COL25A1: variants seen among roughly 807,000 people sequenced by gnomAD.
The protein encoded by COL25A1 is collagen type XXV alpha 1 chain.
COL25A1 carries 103 observed loss-of-function variants against 128.4 expected under a neutral mutation model. The observed-to-expected ratio is 0.80, with a 90% CI of 0.68 to 0.94. The LOEUF (loss-of-function observed/expected upper bound fraction) is 0.94. COL25A1 is among the 40% of genes least tolerant of loss of function. COL25A1 has a pLI of 0.00. For missense variants in COL25A1, 745 were observed against 840.0 expected (o/e 0.89, Z 1.40); for synonymous variants, 279 against 277.2 (o/e 1.01, Z -0.06).
At chr4:109,130,481 G>A (rs927382799) in intron 3 of COL25A1, among the ~76,000 whole-genome samples, 5 of 152,050 alleles carry the variant, frequency 3.3e-5, no homozygotes, top group African/African-American at 4.8e-5. Context: ...AGAATGGAGC[G>A]ATCAAGGATG....
chr4:108,834,209 G>A (rs772396090), intron 31 of COL25A1: 47 of 785,652 alleles, frequency 6.0e-5, no homozygotes, highest in Admixed American at 1.3e-4. Flanking sequence ...CCCTTTTGCC[G>A]CCATCTTTGT....
intron 19 of COL25A1, among the ~76,000 whole-genome samples, chr4:108,870,469 GTGAGTAACTAA>G (rs1428270328): frequency 6.7e-6 from 1 of 150,184 alleles, no homozygotes; most frequent in Non-Finnish European, 1.5e-5. Context: ...AAAGGCAGGA[GTGAGTAACTAA>G]TGCTTTAGGT....
chr4:109,250,032 C>T (rs1780543092), intron 3 of COL25A1, among the ~76,000 whole-genome samples: 1 of 152,018 alleles, frequency 6.6e-6, no homozygotes, highest in Non-Finnish European at 1.5e-5. Context: ...AGATGGGCAA[C>T]CAGTAGTACT....
chr4:108,917,990 CTATT>C (rs1204728594), intron 13 of COL25A1, among the ~76,000 whole-genome samples, 178 bp downstream of exon 13: 2 of 149,796 alleles, frequency 1.3e-5, no homozygotes, highest in African/African-American at 5.1e-5. Context: ...GAATTCCTGA[CTATT>C]TAATGCATCT....
intron 3 of COL25A1, among the ~76,000 whole-genome samples, chr4:109,228,199 A>G (rs1421597368): frequency 6.6e-6 from 1 of 152,020 alleles, no homozygotes; most frequent in East Asian, 1.9e-4. Flanking sequence ...GACTCACACT[A>G]ATTTCCTCTG....
At chr4:109,073,863 C>G (rs1384222594) in intron 3 of COL25A1, among the ~76,000 whole-genome samples, 1 of 152,132 alleles carries the variant, frequency 6.6e-6, no homozygotes, top group African/African-American at 2.4e-5. Context: ...TTCCATGACA[C>G]AAGGCCACAA....
At chr4:109,154,852 T>A (rs1206557198) in intron 3 of COL25A1, among the ~76,000 whole-genome samples, 1 of 152,194 alleles carries the variant, frequency 6.6e-6, no homozygotes, top group Admixed American at 6.5e-5. Context: ...TCCGAAGCAA[T>A]CCTTTCTATA....
intron 3 of COL25A1, among the ~76,000 whole-genome samples, chr4:109,188,176 G>C (rs962674719): frequency 3.9e-5 from 6 of 152,156 alleles, no homozygotes; most frequent in Non-Finnish European, 8.8e-5. Flanking sequence ...ATCTCTTTTT[G>C]ATTCATACAT....
At chr4:108,850,721 C>A (rs1735668651) in intron 26 of COL25A1, among the ~76,000 whole-genome samples, 2 of 152,104 alleles carry the variant, frequency 1.3e-5, no homozygotes. Flanking sequence ...ATTGGAATTT[C>A]TTTCTAGTAT....
chr4:109,211,276 A>ATATATG (rs1777503124), intron 3 of COL25A1, among the ~76,000 whole-genome samples: 4 of 129,418 alleles, frequency 3.1e-5, no homozygotes, highest in Non-Finnish European at 6.5e-5. Context: ...ATATGAAACT[A>ATATATG]TATATATATG....
intron 5 of COL25A1, among the ~76,000 whole-genome samples, chr4:109,040,944 T>C (rs1759823605): frequency 6.6e-6 from 1 of 152,164 alleles, no homozygotes; most frequent in South Asian, 2.1e-4. Context: ...ACTCTCACTT[T>C]TAAAATGTTA....
At chr4:109,041,252 A>T (rs1300612506) in intron 5 of COL25A1, among the ~76,000 whole-genome samples, 1 of 152,118 alleles carries the variant, frequency 6.6e-6, no homozygotes, top group Non-Finnish European at 1.5e-5. Context: ...ACTGAAAGAT[A>T]AAAAGTCCTC....
intron 24 of COL25A1, among the ~76,000 whole-genome samples, chr4:108,856,231 G>C (rs1736491293): frequency 6.6e-6 from 1 of 152,120 alleles, no homozygotes; most frequent in Non-Finnish European, 1.5e-5. Flanking sequence ...TTTTTAAAGA[G>C]TCAGTTAGGA....
At chr4:108,861,795 G>C (rs1158955580) in intron 22 of COL25A1, among the ~76,000 whole-genome samples, 1 of 152,124 alleles carries the variant, frequency 6.6e-6, no homozygotes, top group Non-Finnish European at 1.5e-5. Context: ...TTTCTGTATG[G>C]ACTTCAAAGC....
intron 1 of COL25A1, 39 bp downstream of exon 1, chr4:109,302,130 A>G (rs1248709820): frequency 7.3e-7 from 1 of 1,365,128 alleles, no homozygotes; most frequent in East Asian, 2.5e-5. Context: ...GTGGCTGCAC[A>G]ACTAGTTGGT....
intron 5 of COL25A1, among the ~76,000 whole-genome samples, chr4:109,017,611 T>C (rs1308922557): frequency 6.6e-6 from 1 of 152,244 alleles, no homozygotes; most frequent in Non-Finnish European, 1.5e-5. Context: ...CCTTTTCAGA[T>C]GAGACAAATG....
chr4:109,116,477 C>A (rs895492144), intron 3 of COL25A1, among the ~76,000 whole-genome samples: 2 of 151,940 alleles, frequency 1.3e-5, no homozygotes, highest in African/African-American at 2.4e-5. Flanking sequence ...CTCAAGGGCA[C>A]AGCTTACCAA....
chr4:108,966,964 A>AC (rs1751381153), intron 8 of COL25A1, among the ~76,000 whole-genome samples: 1 of 152,064 alleles, frequency 6.6e-6, no homozygotes, highest in African/African-American at 2.4e-5. Flanking sequence ...AAAAAGAAAG[A>AC]AAGAAAAAGA....
At chr4:108,860,076 C>G (rs1438563877) in intron 23 of COL25A1, among the ~76,000 whole-genome samples, 1 of 152,186 alleles carries the variant, frequency 6.6e-6, no homozygotes, top group South Asian at 2.1e-4. Context: ...AAAGCATCCT[C>G]TAACCTTTTG....
Sources: gnomAD v4.1 joint callset for allele counts (sites outside exome capture counted in the v4.1 genomes callset) on GRCh38, gnomAD v4.1.1 for gene constraint, MANE v1.5 for transcripts, NCBI Gene and HGNC (gene_info 2026-07-23, HGNC 2026-07-21) for gene names.